The following DENND5A variants were observed in gnomAD, a reference collection of about 807,000 sequenced individuals.
DENND5A encodes DENN domain-containing protein 5A.
DENND5A carries 64 observed loss-of-function variants against 140.3 expected under a neutral mutation model. That is an observed-to-expected ratio of 0.46 (90% confidence interval 0.37 to 0.56). The LOEUF (loss-of-function observed/expected upper bound fraction) is 0.56, where lower values mean the gene tolerates loss of function less well. DENND5A is among the 20% of genes least tolerant of loss of function. The pLI, the probability that DENND5A is intolerant of heterozygous loss-of-function variation, is 0.00. For synonymous variants in DENND5A, 605 were observed against 607.7 expected (o/e 1.00, Z 0.07); for missense variants, 1,292 against 1,593.8 (o/e 0.81, Z 3.22).
At chr11:9,142,152 C>A (rs772633934) in intron 21 of DENND5A, 44 bp from the exon 22 acceptor site, 1 of 1,514,458 alleles carries the variant, frequency 6.6e-7, no homozygotes, top group Non-Finnish European at 8.9e-7. Flanking sequence ...GCTCTCAACA[C>A]CAACCCTGAC....
chr11:9,170,492 T>C, intron 9 of DENND5A, 135 bp downstream of exon 9: 2 of 1,169,670 alleles, frequency 1.7e-6, no homozygotes, highest in South Asian at 3.0e-5. Flanking sequence ...GCAAACCACC[T>C]AGATAGTCTG....
At chr11:9,204,363 G>A (rs771729315) in intron 3 of DENND5A, 46 bp from the exon 4 acceptor site, 124 of 1,549,472 alleles carry the variant, frequency 8.0e-5, no homozygotes, top group Middle Eastern at 2.0e-4. Context: ...ACTCACTGGC[G>A]ATCCTCTTTC....
intron 5 of DENND5A, among the ~76,000 whole-genome samples, chr11:9,182,482 T>C: frequency 6.6e-6 from 1 of 152,204 alleles, no homozygotes; most frequent in East Asian, 1.9e-4. Context: ...TTCAGTCATA[T>C]GCTTAAGCTC....
At chr11:9,206,651 C>T (rs1390049546) in intron 3 of DENND5A, 22 bp downstream of exon 3, 1 of 1,513,248 alleles carries the variant, frequency 6.6e-7, no homozygotes, top group Non-Finnish European at 9.2e-7. Flanking sequence ...TTATCTCATA[C>T]TTGTGGCTAA....
chr11:9,203,480 A>T, intron 4 of DENND5A, 180 bp downstream of exon 4: 1 of 617,992 alleles, frequency 1.6e-6, no homozygotes, highest in East Asian at 2.9e-5. Context: ...GAAGATAGTT[A>T]ATCAGAAATA....
Position 9,139,599 on chromosome 11 carries a change from T to C in DENND5A, c.*72A>G. ...TCCTACTCCTGCACAATCGCTTAAGTCCCTTTGGGAAAAAAGGTCAGAGCT... is the reference window on the plus strand; with the variant it reads ...TCCTACTCCTGCACAATCGCTTAAGCCCCTTTGGGAAAAAAGGTCAGAGCT... On this transcript the variant is annotated 3_prime_UTR_variant, in exon 23 of 23. Transcript: ENST00000328194. 1 of 1,457,258 alleles carries C rather than the reference T, an allele frequency of 6.9e-7. No individual in the cohort carries two copies. The highest frequency in any genetic ancestry group is 9.4e-7 in the Non-Finnish European group (1 of 1,065,936). The allele number at this position is 1,457,258 out of a possible 1,614,324, so 90.3% of individuals were successfully genotyped here. A position where few individuals can be genotyped will look rare whatever the true frequency, so the allele number is the denominator to read the frequency against.
At chr11:9,218,778 G>A (rs1850196704) in intron 1 of DENND5A, among the ~76,000 whole-genome samples, 1 of 152,156 alleles carries the variant, frequency 6.6e-6, no homozygotes, top group Non-Finnish European at 1.5e-5. Context: ...GGCTGAGACA[G>A]GTGGATCACC....
intron 1 of DENND5A, among the ~76,000 whole-genome samples, chr11:9,207,932 G>T (rs1051579240): frequency 2.6e-5 from 4 of 152,100 alleles, no homozygotes; most frequent in Non-Finnish European, 5.9e-5. Flanking sequence ...GTAGAACGAA[G>T]AGCTCAACTG....
At chr11:9,247,923 T>G (rs896572420) in intron 1 of DENND5A, among the ~76,000 whole-genome samples, 4 of 152,168 alleles carry the variant, frequency 2.6e-5, no homozygotes, top group Non-Finnish European at 5.9e-5. Context: ...TTTTATTTCC[T>G]TCAGGGTCTG....
At chr11:9,237,760 G>A (rs1171802416) in intron 1 of DENND5A, among the ~76,000 whole-genome samples, 2 of 152,030 alleles carry the variant, frequency 1.3e-5, no homozygotes, top group East Asian at 3.9e-4. Context: ...GCAAGCACCT[G>A]TAGCCCCAGC....
intron 5 of DENND5A, among the ~76,000 whole-genome samples, chr11:9,181,792 A>T (rs1010537623): frequency 6.6e-6 from 1 of 152,150 alleles, no homozygotes; most frequent in Admixed American, 6.5e-5. Context: ...CTCAGTGAAA[A>T]GAACCCTAGG....
At chr11:9,235,600 G>A (rs1850965837) in intron 1 of DENND5A, among the ~76,000 whole-genome samples, 1 of 151,806 alleles carries the variant, frequency 6.6e-6, no homozygotes, top group Non-Finnish European at 1.5e-5. Flanking sequence ...GGAGGTTGCA[G>A]TGAGCTGAGA....
intron 1 of DENND5A, among the ~76,000 whole-genome samples, chr11:9,255,787 C>T (rs1304683638): frequency 1.3e-5 from 2 of 151,972 alleles, no homozygotes; most frequent in African/African-American, 2.4e-5. Flanking sequence ...ATTGCTTGAA[C>T]CCGGGAGGCA....
At chr11:9,227,384 C>T (rs1850576158) in intron 1 of DENND5A, among the ~76,000 whole-genome samples, 1 of 152,060 alleles carries the variant, frequency 6.6e-6, no homozygotes, top group Non-Finnish European at 1.5e-5. Context: ...ATGTTAAGTG[C>T]TATGGAAACA....
intron 4 of DENND5A, among the ~76,000 whole-genome samples, chr11:9,195,305 A>G (rs867667586): frequency 6.8e-6 from 1 of 147,406 alleles, no homozygotes; most frequent in Non-Finnish European, 1.5e-5. Flanking sequence ...CGAACTCCCA[A>G]CCTCAGGTGA....
intron 1 of DENND5A, among the ~76,000 whole-genome samples, chr11:9,263,633 G>A (rs112536892): frequency 6.9e-6 from 1 of 144,752 alleles, no homozygotes; most frequent in Non-Finnish European, 1.5e-5. Flanking sequence ...ATGAGGTCAG[G>A]AGATCGAGAC....
intron 3 of DENND5A, 140 bp downstream of exon 3, chr11:9,206,530 GAAT>G: frequency 1.5e-6 from 1 of 657,476 alleles, no homozygotes; most frequent in South Asian, 1.8e-5. Flanking sequence ...CCAAAATGCA[GAAT>G]AATAAACAAT....
At chr11:9,227,211 AGC>A (rs745755110) in intron 1 of DENND5A, among the ~76,000 whole-genome samples, 7,646 of 113,632 alleles carry the variant, frequency 0.067, 219 homozygotes, top group African/African-American at 0.096. Context: ...TAAATAAATA[AGC>A]AAGCAAGCAC....
chr11:9,199,957 C>T (rs967812714), intron 4 of DENND5A, among the ~76,000 whole-genome samples: 1 of 152,172 alleles, frequency 6.6e-6, no homozygotes, highest in Non-Finnish European at 1.5e-5. Flanking sequence ...CAGCAATATC[C>T]AGGAATTTCT....
Sources: allele counts gnomAD v4.1 joint callset (sites outside exome capture counted in the v4.1 genomes callset), GRCh38; gene constraint gnomAD v4.1.1; transcripts MANE v1.5; gene names NCBI Gene and HGNC (gene_info 2026-07-23, HGNC 2026-07-21).